Variants in CNBD1 observed in about 807,000 individuals in gnomAD.
CNBD1 encodes the protein cyclic nucleotide binding domain containing 1.
Under a neutral mutation model 54.4 loss-of-function variants are expected in CNBD1, and 71 were observed. That is an observed-to-expected ratio of 1.30 (90% CI 1.08 to 1.59). CNBD1 has a LOEUF of 1.59. Ranked by LOEUF, CNBD1 falls within the 40% of genes most tolerant of loss-of-function variation. The probability of loss-of-function intolerance (pLI) is 0.00; values close to 1 mark genes in which losing one functional copy is unlikely to be tolerated. For missense variants in CNBD1, 659 were observed against 518.0 expected, an observed-to-expected ratio of 1.27 and a Z score of -2.64; for synonymous variants, 182 against 170.7, an observed-to-expected ratio of 1.07 and a Z score of -0.51.
chr8:87,254,287 A>G (rs1172595929), intron 6 of CNBD1, among the ~76,000 whole-genome samples: 1 of 152,208 alleles, frequency 6.6e-6, no homozygotes, highest in Non-Finnish European at 1.5e-5. Flanking sequence ...AAAAAATTCC[A>G]GAGAGATAGT....
chr8:87,164,722 A>C (rs1274888083), intron 4 of CNBD1, among the ~76,000 whole-genome samples: 1 of 151,560 alleles, frequency 6.6e-6, no homozygotes, highest in African/African-American at 2.4e-5. Context: ...TTATCTTGTT[A>C]AAAAATCTCC....
chr8:87,414,306 G>C (rs1292903665), intron 2 of CNBD1, among the ~76,000 whole-genome samples: 1 of 152,016 alleles, frequency 6.6e-6, no homozygotes, highest in Non-Finnish European at 1.5e-5. Context: ...CTCACTCATA[G>C]GTGGGAATTG....
chr8:86,869,122 A>G (rs1808405688), intron 1 of CNBD1, among the ~76,000 whole-genome samples: 1 of 152,224 alleles, frequency 6.6e-6, no homozygotes, highest in Admixed American at 6.5e-5. Context: ...ATTTTAGCCC[A>G]GTGAAATCAG....
intron 4 of CNBD1, among the ~76,000 whole-genome samples, chr8:87,042,446 T>C (rs749334169): frequency 7.9e-5 from 12 of 152,190 alleles, no homozygotes; most frequent in Non-Finnish European, 1.5e-4. Context: ...TAATAAACTA[T>C]ATACAATGAT....
intron 2 of CNBD1, among the ~76,000 whole-genome samples, chr8:86,900,875 A>C (rs1170333606): frequency 6.6e-6 from 1 of 152,126 alleles, no homozygotes; most frequent in Non-Finnish European, 1.5e-5. Context: ...CAGATCTTTA[A>C]ATTTTCCTTC....
At chr8:87,015,407 C>T (rs765071007) in intron 4 of CNBD1, among the ~76,000 whole-genome samples, 20 of 152,060 alleles carry the variant, frequency 1.3e-4, no homozygotes, top group Non-Finnish European at 1.9e-4. Context: ...GGATGGTCTC[C>T]GTCTCCTGAC....
At chr8:87,089,596 A>C (rs1811165715) in intron 4 of CNBD1, among the ~76,000 whole-genome samples, 1 of 152,098 alleles carries the variant, frequency 6.6e-6, no homozygotes, top group South Asian at 2.1e-4. Context: ...ACGGAAGACT[A>C]AACAAGATAT....
rs1022111891 is a variant in CNBD1, at chr8:87,257,367, C to T, written c.771+20255C>T. ...CTGGGCAACAAGAGCAAAACTCTAT[C>T]GCAAAAAAAAAAAAAAAAGGAAATG... On this transcript the variant is annotated intron_variant, in intron 6 of 10. Transcript: ENST00000518476. 2.0e-4 allele frequency among the ~76,000 whole-genome samples: 14 copies of T among 70,510 alleles called. 1 individual carries two copies. The highest frequency in any genetic ancestry group is 8.9e-4 in the South Asian group (2 of 2,242). The allele number at this position is 70,510 out of a possible 152,430, so 46.3% of individuals were successfully genotyped here. A position where few individuals can be genotyped will look rare whatever the true frequency, so the allele number is the denominator to read the frequency against.
chr8:86,869,271 GT>G (rs1563805057), intron 1 of CNBD1, among the ~76,000 whole-genome samples: 3 of 152,102 alleles, frequency 2.0e-5, no homozygotes, highest in African/African-American at 4.8e-5. Context: ...TAAGGCTTAG[GT>G]TTCATACTAA....
At chr8:87,330,796 A>G (rs971651248) in intron 8 of CNBD1, among the ~76,000 whole-genome samples, 16 of 152,182 alleles carry the variant, frequency 1.1e-4, no homozygotes, top group African/African-American at 3.9e-4. Context: ...CAATTTTACC[A>G]AATGATTGAT....
chr8:86,924,239 G>A (rs866644201), intron 3 of CNBD1, among the ~76,000 whole-genome samples: 1 of 152,096 alleles, frequency 6.6e-6, no homozygotes, highest in East Asian at 1.9e-4. Flanking sequence ...TGTAAGTCTT[G>A]CTTGAGTGAC....
intron 8 of CNBD1, among the ~76,000 whole-genome samples, chr8:87,301,085 A>G (rs532954545): frequency 3.3e-5 from 5 of 152,148 alleles, no homozygotes; most frequent in Non-Finnish European, 7.3e-5. Flanking sequence ...ACATACATAA[A>G]CTAGAAGACC....
Position 87,324,411 on chromosome 8 carries a change from C to T in CNBD1, c.1043-27274C>T, listed in dbSNP as rs796351252. On this transcript the variant is annotated intron_variant, in intron 8 of 10. Coordinates refer to ENST00000518476, the MANE Select transcript of CNBD1 (RefSeq NM_173538.3). The stretch of plus-strand genomic sequence containing the variant: ...TCCTCCTTGTACCTCTGATAGAATT[C>T]GGCTGTGAATCCATCTGGTCCTGGG... 3.0e-5 allele frequency among the ~76,000 whole-genome samples: 4 copies of T among 133,680 alleles called. 1 individual carries two copies. The highest frequency in any genetic ancestry group is 2.0e-4 in the East Asian group (1 of 5,022). The allele number at this position is 133,680 out of a possible 152,430, so 87.7% of individuals were successfully genotyped here.
chr8:87,311,671 A>G (rs1277641902), intron 8 of CNBD1, among the ~76,000 whole-genome samples: 2 of 152,158 alleles, frequency 1.3e-5, no homozygotes, highest in African/African-American at 4.8e-5. Flanking sequence ...TACTATTCAC[A>G]ATAGCAAATA....
At chr8:87,404,318 A>G in intron 2 of CNBD1, among the ~76,000 whole-genome samples, 1 of 152,122 alleles carries the variant, frequency 6.6e-6, no homozygotes, top group East Asian at 1.9e-4. Flanking sequence ...GTGATTGGTC[A>G]TCACTTTTCA....
chr8:87,199,173 C>T (rs1170447086), intron 4 of CNBD1, among the ~76,000 whole-genome samples: 2 of 152,132 alleles, frequency 1.3e-5, no homozygotes, highest in East Asian at 3.9e-4. Flanking sequence ...GAGATTTGGG[C>T]AGGGACAAAT....
At chr8:87,327,692 G>A (rs780213814) in intron 8 of CNBD1, among the ~76,000 whole-genome samples, 18 of 152,074 alleles carry the variant, frequency 1.2e-4, no homozygotes, top group East Asian at 7.8e-4. Flanking sequence ...ACTGACCTGC[G>A]CCCACTGTCT....
intron 8 of CNBD1, among the ~76,000 whole-genome samples, chr8:87,317,992 C>T (rs1203843134): frequency 1.3e-5 from 2 of 152,008 alleles, no homozygotes; most frequent in African/African-American, 4.8e-5. Flanking sequence ...ATCTACTGTA[C>T]ATCAGAACCA....
chr8:87,323,866 T>C (rs1262961950), intron 8 of CNBD1, among the ~76,000 whole-genome samples: 307 of 132,842 alleles, frequency 2.3e-3, no homozygotes, highest in African/African-American at 8.0e-3. Flanking sequence ...AGAGAGGGCA[T>C]CTCTGTCTTG....
Sources: allele counts gnomAD v4.1 joint callset (sites outside exome capture counted in the v4.1 genomes callset), GRCh38; gene constraint gnomAD v4.1.1; transcripts MANE v1.5; gene names NCBI Gene and HGNC (gene_info 2026-07-23, HGNC 2026-07-21).